The following MAP7D1 variants were observed in gnomAD, a reference collection of about 807,000 sequenced individuals.
MAP7D1 encodes MAP7 domain-containing protein 1.
Under a neutral mutation model 97.5 loss-of-function variants are expected in MAP7D1, and 30 were observed. The observed-to-expected ratio is 0.31, with a 90% confidence interval of 0.23 to 0.42. MAP7D1 has a LOEUF of 0.42. Among genes scored for constraint, MAP7D1 ranks in the 10% least tolerant of loss-of-function variants. The probability of loss-of-function intolerance (pLI) is 1.00; values close to 1 mark genes in which losing one functional copy is unlikely to be tolerated. For synonymous variants in MAP7D1, 536 were observed against 477.1 expected (o/e 1.12, Z -1.61); for missense variants, 1,184 against 1,179.5 (o/e 1.00, Z -0.06).
At position 36,156,398 on chromosome 1, in the gene MAP7D1, C is replaced by CG; in HGVS notation, c.-20_-19insG. 6.7e-7 allele frequency: 1 copy of CG among 1,485,884 alleles called. No individual in the cohort carries two copies. Among genetic ancestry groups the CG allele is most frequent in the Non-Finnish European group, 8.9e-7 (1 of 1,125,552 alleles). 92.0% of individuals were successfully genotyped at this position (1,485,884 alleles called of 1,614,324 possible). On this transcript the variant is annotated 5_prime_UTR_variant, in exon 1 of 17. Coordinates refer to ENST00000474796, the MANE Select transcript of MAP7D1 (RefSeq NM_001388490.1). ...CGCCGCCGCCGCTGAGACCCCGAGACCCCCAGTGACGCCGCAGCCATGGAG... is the reference window on the plus strand; with the variant it reads ...CGCCGCCGCCGCTGAGACCCCGAGACGCCCCAGTGACGCCGCAGCCATGGAG...
intron 1 of MAP7D1, among the ~76,000 whole-genome samples, chr1:36,162,369 A>G (rs1427396854): frequency 6.6e-6 from 1 of 152,230 alleles, no homozygotes; most frequent in Non-Finnish European, 1.5e-5. Context: ...TTGTGGGGGA[A>G]GTCTCCCTGG....
At chr1:36,178,308 A>G in intron 9 of MAP7D1, 107 bp downstream of exon 9, 1 of 1,471,500 alleles carries the variant, frequency 6.8e-7, no homozygotes, top group Admixed American at 2.4e-5. Flanking sequence ...TGGGACATGG[A>G]AAGAGGAGAC....
At chr1:36,169,026 C>A (rs997427492) in intron 1 of MAP7D1, among the ~76,000 whole-genome samples, 3 of 151,918 alleles carry the variant, frequency 2.0e-5, no homozygotes, top group African/African-American at 7.3e-5. Flanking sequence ...TCGAGACGGG[C>A]AGACCACCTG....
chr1:36,173,465 A>G lies in MAP7D1; in HGVS notation c.726A>G (p.Pro242=), dbSNP rs1228788215. 6.2e-7 allele frequency: 1 copy of G among 1,611,218 alleles called. No individual in the cohort carries two copies. The highest frequency in any genetic ancestry group is 1.1e-5 in the South Asian group (1 of 90,810). ...SWAGALHHSS[P]GHKTSGSRCS... is the part of the protein sequence containing the mutation. The stretch of plus-strand genomic sequence containing the variant: ...CAGGGGCCCTGCACCACAGCTCTCC[A>G]GGACATAAGACCAGTGAGTAGGCTG... The change falls in exon 5 of 17, where the codon CCA becomes CCG. Residue 242 remains proline, a synonymous_variant. Coordinates refer to ENST00000474796, the MANE Select transcript of MAP7D1 (RefSeq NM_001388490.1).
chr1:36,172,706 T>G, intron 4 of MAP7D1, 79 bp downstream of exon 4: 1 of 1,340,304 alleles, frequency 7.5e-7, no homozygotes, highest in East Asian at 2.6e-5. Context: ...CACACATCCA[T>G]GTTCACGGCT....
Position 36,176,937 on chromosome 1 carries a change from T to G in MAP7D1, c.1379+95T>G. The G allele has an allele frequency of 2.9e-6, 3 of 1,028,112 alleles. No homozygotes were observed. The highest frequency in any genetic ancestry group is 2.3e-5 in the Admixed American group (1 of 42,734). 63.7% of individuals were successfully genotyped at this position (1,028,112 alleles called of 1,614,324 possible). On this transcript the variant is annotated intron_variant, in intron 8 of 16. Coordinates refer to ENST00000474796, the MANE Select transcript of MAP7D1 (RefSeq NM_001388490.1). This position sits in a 1 kb window ranked among gnomAD's most constrained non-coding sequence, Gnocchi z 6.1. ...TGGGCAACCACCTCTAGAATGCAACTTCCCTGAGGGCAGATTCTCTCTGTT... is the reference window on the plus strand; with the variant it reads ...TGGGCAACCACCTCTAGAATGCAACGTCCCTGAGGGCAGATTCTCTCTGTT...
intron 1 of MAP7D1, among the ~76,000 whole-genome samples, chr1:36,170,048 G>GAAACA (rs377377950): frequency 6.6e-6 from 1 of 152,072 alleles, no homozygotes; most frequent in Non-Finnish European, 1.5e-5. Context: ...GACTTGGGGG[G>GAAACA]AAACAAAACA....
Position 36,156,347 on chromosome 1 carries a change from C to T in MAP7D1, c.-71C>T, listed in dbSNP as rs999396456. 27 of 1,347,018 alleles carry T rather than the reference C, an allele frequency of 2.0e-5. No homozygotes were observed. The Middle Eastern group carries it at 9.4e-4, about 47-fold the overall frequency. 83.4% of individuals were successfully genotyped at this position (1,347,018 alleles called of 1,614,324 possible). On this transcript the variant is annotated 5_prime_UTR_variant, in exon 1 of 17. Coordinates refer to ENST00000474796, the MANE Select transcript of MAP7D1 (RefSeq NM_001388490.1). Reference sequence around the variant, plus strand: ...GGGCCGGGCGTGATGCGCCGCGGGACCCCTGTCCTGGCCACTGGCCGCCGC... The same window carrying T: ...GGGCCGGGCGTGATGCGCCGCGGGATCCCTGTCCTGGCCACTGGCCGCCGC...
chr1:36,170,048 G>A (rs112561978), intron 1 of MAP7D1, among the ~76,000 whole-genome samples: 11 of 152,190 alleles, frequency 7.2e-5, no homozygotes, highest in African/African-American at 2.4e-4. Context: ...GACTTGGGGG[G>A]AAACAAAACA....
intron 1 of MAP7D1, among the ~76,000 whole-genome samples, chr1:36,164,066 T>C (rs898704754): frequency 6.6e-6 from 1 of 152,144 alleles, no homozygotes; most frequent in Non-Finnish European, 1.5e-5. Context: ...TCAAACGATC[T>C]GCTCTCCTTG....
In MAP7D1 at chr1:36,171,705, GGCGAATCA is replaced by G. The variant is rs1644546281; in HGVS notation, c.460+125_460+132del. 6 of 952,736 alleles carry G rather than the reference GGCGAATCA, an allele frequency of 6.3e-6. No homozygotes were observed. In the South Asian group the frequency reaches 7.1e-5, roughly 11 times the overall value. The allele number at this position is 952,736 out of a possible 1,614,324, so 59.0% of individuals were successfully genotyped here. A position where few individuals can be genotyped will look rare whatever the true frequency, so the allele number is the denominator to read the frequency against. ...CCCAGCACTTTGGGAGGCCGAGGCGGGCGAATCACCTGAGGTCAGGAGTTTGAGACTAG... is the reference window on the plus strand; with the variant it reads ...CCCAGCACTTTGGGAGGCCGAGGCGGCCTGAGGTCAGGAGTTTGAGACTAG... On this transcript the variant is annotated intron_variant, in intron 3 of 16. Transcript: ENST00000474796.
intron 5 of MAP7D1, 118 bp from the exon 6 acceptor site, chr1:36,174,780 G>T (rs565026934): frequency 3.7e-5 from 10 of 273,088 alleles, no homozygotes; most frequent in African/African-American, 2.1e-4. Context: ...CCTCATCCTA[G>T]CCTGCCCACT....
intron 1 of MAP7D1, among the ~76,000 whole-genome samples, chr1:36,160,146 C>T (rs1017798346): frequency 6.6e-6 from 1 of 152,218 alleles, no homozygotes; most frequent in Non-Finnish European, 1.5e-5. Context: ...GGACCCATGT[C>T]CTTAGGTCCC....
chr1:36,156,566 C>T, intron 1 of MAP7D1, 103 bp downstream of exon 1: 1 of 917,540 alleles, frequency 1.1e-6, no homozygotes, highest in Non-Finnish European at 1.5e-6. Flanking sequence ...TCCGCTGCCG[C>T]GCCCTCTGAC....
intron 3 of MAP7D1, chr1:36,171,827 G>A (rs764494151): frequency 1.5e-5 from 5 of 334,724 alleles, no homozygotes; most frequent in South Asian, 2.7e-5. Flanking sequence ...CCAGCTACTC[G>A]GGAGACTGAG....
At chr1:36,165,798 T>TTGG (rs1171811923) in intron 1 of MAP7D1, among the ~76,000 whole-genome samples, 1 of 149,180 alleles carries the variant, frequency 6.7e-6, no homozygotes, top group African/African-American at 2.5e-5. Context: ...TGGCACGATC[T>TTGG]TGGCTCACCG....
At position 36,179,764 on chromosome 1, in the gene MAP7D1, C is replaced by T; in HGVS notation, c.2318+8C>T. On this transcript the variant is annotated splice_region_variant and intron_variant, in intron 15 of 16. Coordinates refer to ENST00000474796, the MANE Select transcript of MAP7D1 (RefSeq NM_001388490.1). ...ACAGGAGCCTCAGTGGAGGTACCAG[C>T]TTCCAATCCCAGGGTCCCTGAGCAG... 6.5e-7 allele frequency: 1 copy of T among 1,533,304 alleles called. No homozygotes were observed. The highest frequency in any genetic ancestry group is 2.3e-5 in the East Asian group (1 of 43,698). The allele number at this position is 1,533,304 out of a possible 1,614,324, so 95.0% of individuals were successfully genotyped here.
At chr1:36,179,070 G>C (rs766398102) in intron 12 of MAP7D1, 45 bp downstream of exon 12, 53 of 1,514,560 alleles carry the variant, frequency 3.5e-5, no homozygotes, top group Non-Finnish European at 4.5e-5. Context: ...CCTGGGCAGG[G>C]CGGGCCAGGT....
chr1:36,159,122 A>G lies in MAP7D1; in HGVS notation c.46+2659A>G, dbSNP rs1644376056. Among the ~76,000 whole-genome samples the G allele has an allele frequency of 6.6e-6, 1 of 152,042 alleles. No individual in the cohort carries two copies. Among genetic ancestry groups the G allele is most frequent in the African/African-American group, 2.4e-5 (1 of 41,378 alleles). ...ACCCAGGCTGGAGTGCAATGCCACG[A>G]TCTCGGCACACTGCAACCTCCGCCT... is the stretch of plus-strand genomic sequence containing the variant. On this transcript the variant is annotated intron_variant, in intron 1 of 16. Coordinates refer to ENST00000474796, the MANE Select transcript of MAP7D1 (RefSeq NM_001388490.1). This position sits in a 1 kb window ranked among gnomAD's most constrained non-coding sequence, Gnocchi z 5.4.
Sources: allele counts gnomAD v4.1 joint callset (sites outside exome capture counted in the v4.1 genomes callset), GRCh38; gene constraint gnomAD v4.1.1; non-coding constraint Gnocchi (gnomAD v3.1); transcripts MANE v1.5; gene names NCBI Gene and HGNC (gene_info 2026-07-23, HGNC 2026-07-21).